Variants in EIF2B2 observed in about 807,000 individuals in gnomAD.
The protein encoded by EIF2B2 is eukaryotic translation initiation factor 2B subunit beta.
Under a neutral mutation model 34.7 loss-of-function variants are expected in EIF2B2, and 34 were observed. The ratio of observed to expected loss-of-function variants is 0.98; its 90% CI spans 0.75 to 1.31. The LOEUF (loss-of-function observed/expected upper bound fraction) is 1.31. Among genes scored for constraint, EIF2B2 ranks in the 50% most tolerant of loss-of-function variants. EIF2B2 has a pLI of 0.00. For synonymous variants in EIF2B2, 155 were observed against 171.6 expected (o/e 0.90, Z 0.76); for missense variants, 361 against 447.7 (o/e 0.81, Z 1.75).
rs878922788 is a variant in EIF2B2, at chr14:75,009,301, TAA to T, written c.*122_*123del. On this transcript the variant is annotated 3_prime_UTR_variant, in exon 8 of 8. Transcript: ENST00000266126. ...ATGTGGGAGTGCACAGGAGTCCACC[TAA>T]AAAAAAAATCCTTGATACTGTTGCC... The T allele has an allele frequency of 2.4e-6, 3 of 1,233,014 alleles. No homozygotes were observed. The highest frequency in any genetic ancestry group is 2.0e-5 in the Admixed American group (1 of 50,952). The allele number at this position is 1,233,014 out of a possible 1,614,324, so 76.4% of individuals were successfully genotyped here.
Position 75,011,640 on chromosome 14 carries a change from G to A in EIF2B2, c.*2452G>A, listed in dbSNP as rs995555177. ...GGCATTTTACACTGACCTAAAAGCTGTATGACTCAGAAGAGCCTGACTCAC... is the reference window on the plus strand; with the variant it reads ...GGCATTTTACACTGACCTAAAAGCTATATGACTCAGAAGAGCCTGACTCAC... On this transcript the variant is annotated 3_prime_UTR_variant, in exon 8 of 8. Transcript: ENST00000266126. 1 of 152,204 alleles carries A rather than the reference G, an allele frequency of 6.6e-6. No homozygotes were observed. Among genetic ancestry groups the A allele is most frequent in the Non-Finnish European group, 1.5e-5 (1 of 68,040 alleles). 9.4% of individuals were successfully genotyped at this position (152,204 alleles called of 1,614,324 possible). A position where few individuals can be genotyped will look rare whatever the true frequency, so the allele number is the denominator to read the frequency against.
Position 75,006,996 on chromosome 14 carries a change from C to T in EIF2B2, c.831+282C>T, listed in dbSNP as rs1198136650. ...ATTGCCACCACTCCCTGTCGCCTGA[C>T]CATTTCTGAAAATGCCAAGCAGGTT... is the stretch of plus-strand genomic sequence containing the variant. On this transcript the variant is annotated intron_variant, in intron 6 of 7. Coordinates refer to ENST00000266126, the MANE Select transcript of EIF2B2 (RefSeq NM_014239.4). The surrounding 1 kb of genome is among the most constrained non-coding windows in gnomAD (Gnocchi z 4.1). The T allele has an allele frequency of 1.8e-6, 1 of 570,016 alleles. No homozygotes were observed. Among genetic ancestry groups the T allele is most frequent in the African/African-American group, 1.8e-5 (1 of 54,128 alleles). 35.3% of individuals were successfully genotyped at this position (570,016 alleles called of 1,614,324 possible).
chr14:75,005,606 A>G (rs1003830020), intron 4 of EIF2B2, among the ~76,000 whole-genome samples: 1 of 152,172 alleles, frequency 6.6e-6, no homozygotes, highest in African/African-American at 2.4e-5. Flanking sequence ...TTATACATGC[A>G]TGTTGTATTT....
Position 75,006,781 on chromosome 14 carries a change from C to T in EIF2B2, c.831+67C>T. The stretch of plus-strand genomic sequence containing the variant: ...GGAAGCCAAAGGGTAGGCTTGAACT[C>T]TGGGACTTCAACCACCTCACTCCAG... On this transcript the variant is annotated intron_variant, in intron 6 of 7. Coordinates refer to ENST00000266126, the MANE Select transcript of EIF2B2 (RefSeq NM_014239.4). This position sits in a 1 kb window ranked among gnomAD's most constrained non-coding sequence, Gnocchi z 4.1. 2 of 1,605,134 alleles carry T rather than the reference C, an allele frequency of 1.2e-6. No individual in the cohort carries two copies. Among genetic ancestry groups the T allele is most frequent in the African/African-American group, 2.7e-5 (2 of 74,864 alleles).
chr14:75,004,222 G>A (rs1268450591), intron 3 of EIF2B2, among the ~76,000 whole-genome samples: 1 of 152,150 alleles, frequency 6.6e-6, no homozygotes, highest in Non-Finnish European at 1.5e-5. Context: ...TTAGGCCGAA[G>A]CTCTCTTTAC....
At chr14:75,004,689 A>ATATTTATTTT in intron 3 of EIF2B2, 48 bp from the exon 4 acceptor site, 1 of 146,204 alleles carries the variant, frequency 6.8e-6, no homozygotes, top group African/African-American at 7.2e-5. Context: ...ATATATATAT[A>ATATTTATTTT]TTTTTTTTTT....
At chr14:75,004,039 G>A (rs189692275) in intron 3 of EIF2B2, among the ~76,000 whole-genome samples, 3 of 152,286 alleles carry the variant, frequency 2.0e-5, no homozygotes, top group Non-Finnish European at 4.4e-5. Context: ...TTATACACAC[G>A]TACACGTATA....
At chr14:75,004,689 A>ATATATATATATATATATATATTTTTTTT in intron 3 of EIF2B2, 48 bp from the exon 4 acceptor site, 1 of 146,206 alleles carries the variant, frequency 6.8e-6, no homozygotes, top group African/African-American at 7.2e-5. Flanking sequence ...ATATATATAT[A>ATATATATATATATATATATATTTTTTTT]TTTTTTTTTT....
At chr14:75,005,032 A>G (rs943408810) in intron 4 of EIF2B2, 132 bp downstream of exon 4, 1 of 948,538 alleles carries the variant, frequency 1.1e-6, no homozygotes, top group Non-Finnish European at 1.6e-6. Context: ...CAAGTAAAAC[A>G]TTAAGTGAAT....
At position 75,006,532 on chromosome 14, in the gene EIF2B2, G is replaced by A; in HGVS notation, c.694-45G>A. The A allele has an allele frequency of 6.2e-7, 1 of 1,609,930 alleles. No individual in the cohort carries two copies. The highest frequency in any genetic ancestry group is 1.1e-5 in the South Asian group (1 of 91,062). ...TTTTTGTGGCCAGTGGCCCTTTTAGGGCTCCACCCCCAGGATGGCTCACAT... is the reference window on the plus strand; with the variant it reads ...TTTTTGTGGCCAGTGGCCCTTTTAGAGCTCCACCCCCAGGATGGCTCACAT... On this transcript the variant is annotated intron_variant, in intron 5 of 7. Transcript: ENST00000266126. This position sits in a 1 kb window ranked among gnomAD's most constrained non-coding sequence, Gnocchi z 4.1.
rs1332330757 is a variant in EIF2B2, at chr14:75,011,627, T to C, written c.*2439T>C. On this transcript the variant is annotated 3_prime_UTR_variant, in exon 8 of 8. Coordinates refer to ENST00000266126, the MANE Select transcript of EIF2B2 (RefSeq NM_014239.4). Reference sequence around the variant, plus strand: ...ACCTCAGAAAGTCGGCATTTTACACTGACCTAAAAGCTGTATGACTCAGAA... The same window carrying C: ...ACCTCAGAAAGTCGGCATTTTACACCGACCTAAAAGCTGTATGACTCAGAA... 6.6e-6 allele frequency: 1 copy of C among 152,234 alleles called. No individual in the cohort carries two copies. The highest frequency in any genetic ancestry group is 1.5e-5 in the Non-Finnish European group (1 of 68,042). The allele number at this position is 152,234 out of a possible 1,614,324, so 9.4% of individuals were successfully genotyped here.
Position 75,003,708 on chromosome 14 carries a change from C to G in EIF2B2, c.433+9C>G, listed in dbSNP as rs1045660845. ...GCTGCTAGTGGAGCTGGGTAAGAGG[C>G]CTGATCGCTGGGAAAATGGGACTGG... On this transcript the variant is annotated intron_variant, in intron 3 of 7. Transcript: ENST00000266126. 1 of 1,614,150 alleles carries G rather than the reference C, an allele frequency of 6.2e-7. No individual in the cohort carries two copies. Among genetic ancestry groups the G allele is most frequent in the Middle Eastern group, 1.6e-4 (1 of 6,062 alleles).
chr14:75,007,526 A>G, intron 6 of EIF2B2, 196 bp from the exon 7 acceptor site: 1 of 525,408 alleles, frequency 1.9e-6, no homozygotes, highest in Non-Finnish European at 3.4e-6. Flanking sequence ...CATTATATGA[A>G]CATACCACAA....
chr14:75,006,590 C>T lies in EIF2B2; in HGVS notation c.707C>T (p.Thr236Met), dbSNP rs778105211. 3.8e-5 allele frequency: 61 copies of T among 1,613,962 alleles called. No individual in the cohort carries two copies. The highest frequency in any genetic ancestry group is 5.0e-5 in the Admixed American group (3 of 60,012). ...MSRVNKVIIG[T>M]KTILANGALR... is the part of the protein sequence containing the mutation. ...CTTGTCCCAAAGGTGATCATTGGCA[C>T]GAAGACCATCCTGGCCAATGGGGCC... The change falls in exon 6 of 8, where the codon ACG becomes ATG. Residue 236 changes from threonine to methionine, a missense_variant. By Grantham distance (81) the Thr-to-Met change is moderately conservative. Coordinates refer to ENST00000266126, the MANE Select transcript of EIF2B2 (RefSeq NM_014239.4). This position sits in a 1 kb window ranked among gnomAD's most constrained non-coding sequence, Gnocchi z 4.1.
chr14:75,003,321 C>T lies in EIF2B2; in HGVS notation c.210C>T (p.Ala70=), dbSNP rs1889569192. 1.2e-6 allele frequency: 2 copies of T among 1,613,760 alleles called. No homozygotes were observed. The highest frequency in any genetic ancestry group is 8.5e-7 in the Non-Finnish European group (1 of 1,179,968). Residue 70 remains alanine, a synonymous_variant, in exon 2 of 8, where the codon GCC becomes GCT. Transcript: ENST00000266126. The part of the protein sequence containing the change: ...LIRREGRRMT[A]AQPSETTVGN... ...GCAGAGAGGGCAGGAGGATGACGGC[C>T]GCTCAGCCCTCCGAGACCACCGTGG...
chr14:75,006,158 C>G lies in EIF2B2; in HGVS notation c.693+197C>G. On this transcript the variant is annotated intron_variant, in intron 5 of 7. Coordinates refer to ENST00000266126, the MANE Select transcript of EIF2B2 (RefSeq NM_014239.4). This position sits in a 1 kb window ranked among gnomAD's most constrained non-coding sequence, Gnocchi z 4.1. ...ATCATTGTTCCTCTCTTGGAGTAGC[C>G]TCTAAATTTGGTTGAAGCATTGAAA... The G allele has an allele frequency of 1.8e-6, 1 of 550,910 alleles. No homozygotes were observed. Among genetic ancestry groups the G allele is most frequent in the South Asian group, 2.0e-5 (1 of 51,046 alleles). 34.1% of individuals were successfully genotyped at this position (550,910 alleles called of 1,614,324 possible). A position where few individuals can be genotyped will look rare whatever the true frequency, so the allele number is the denominator to read the frequency against.
Position 75,006,476 on chromosome 14 carries a change from C to G in EIF2B2, c.694-101C>G. The G allele has an allele frequency of 2.6e-6, 4 of 1,549,048 alleles. No individual in the cohort carries two copies. The South Asian group carries it at 4.5e-5, about 17-fold the overall frequency. On this transcript the variant is annotated intron_variant, in intron 5 of 7. Transcript: ENST00000266126. This position sits in a 1 kb window ranked among gnomAD's most constrained non-coding sequence, Gnocchi z 4.1. Reference sequence around the variant, plus strand: ...ACCTCTACCAGTCTGTGACCCCTCACGATACCAATTCTGAGGTCTAAGCAT... The same window carrying G: ...ACCTCTACCAGTCTGTGACCCCTCAGGATACCAATTCTGAGGTCTAAGCAT...
At chr14:75,007,583 C>T in intron 6 of EIF2B2, 139 bp from the exon 7 acceptor site, 1 of 696,936 alleles carries the variant, frequency 1.4e-6, no homozygotes. Flanking sequence ...TTGGTTCCAG[C>T]TTTTGGCTTT....
chr14:75,005,957 A>G lies in EIF2B2; in HGVS notation c.689A>G (p.Asn230Ser), dbSNP rs778179219. The change falls in exon 5 of 8, where the codon AAC becomes AGC. Residue 230 changes from asparagine to serine, a missense_variant. By Grantham distance (46) the Asn-to-Ser change is conservative. Coordinates refer to ENST00000266126, the MANE Select transcript of EIF2B2 (RefSeq NM_014239.4). Reference protein sequence around the residue: ...AAIFAVMSRVNKVIIGTKTIL... With the variant: ...AAIFAVMSRVSKVIIGTKTIL... Reference sequence around the variant, plus strand: ...ATTTTTGCCGTTATGTCAAGAGTCAACAAGGTGGGTATATCTGGAGTTATG... The same window carrying G: ...ATTTTTGCCGTTATGTCAAGAGTCAGCAAGGTGGGTATATCTGGAGTTATG... 3.7e-6 allele frequency: 6 copies of G among 1,612,116 alleles called. No homozygotes were observed. Among genetic ancestry groups the G allele is most frequent in the South Asian group, 2.2e-5 (2 of 91,018 alleles).
Sources: allele counts gnomAD v4.1 joint callset (sites outside exome capture counted in the v4.1 genomes callset), GRCh38; gene constraint gnomAD v4.1.1; non-coding constraint Gnocchi (gnomAD v3.1); transcripts MANE v1.5; gene names NCBI Gene and HGNC (gene_info 2026-07-23, HGNC 2026-07-21).